Variants in DELE1 observed in about 807,000 individuals in gnomAD.
DELE1 encodes death ligand signal enhancer.
In DELE1, 54 loss-of-function variants were observed where a neutral mutation model predicts 59.3. The ratio of observed to expected loss-of-function variants is 0.91; its 90% CI spans 0.73 to 1.14. The LOEUF (loss-of-function observed/expected upper bound fraction) is 1.14. Ranked by LOEUF, DELE1 falls within the 50% of genes most tolerant of loss-of-function variation. The pLI is 0.00. For synonymous variants in DELE1, 264 were observed against 259.1 expected (o/e 1.02, Z -0.18); for missense variants, 636 against 643.9 (o/e 0.99, Z 0.13).
intron 10 of DELE1, chr5:141,934,967 A>G: frequency 4.5e-6 from 1 of 220,054 alleles, no homozygotes. Context: ...TTAAAATCAG[A>G]ATAATAATGC....
At chr5:141,924,882 G>A (rs1279394610) in intron 2 of DELE1, among the ~76,000 whole-genome samples, 187 bp downstream of exon 2, 2 of 150,088 alleles carry the variant, frequency 1.3e-5, no homozygotes. Flanking sequence ...AGCCTCCCGA[G>A]TAGCTGGGAT....
Position 141,940,574 on chromosome 5 carries a change from C to T in DELE1, c.*1815C>T, listed in dbSNP as rs1752680358. The T allele has an allele frequency of 1.0e-6, 1 of 985,592 alleles. No homozygotes were observed. Among genetic ancestry groups the T allele is most frequent in the Non-Finnish European group, 1.2e-6 (1 of 829,990 alleles). The allele number at this position is 985,592 out of a possible 1,614,324, so 61.1% of individuals were successfully genotyped here. A position where few individuals can be genotyped will look rare whatever the true frequency, so the allele number is the denominator to read the frequency against. ...CCATCTCTCTCAACTTCTTAGTGGT[C>T]CTGCCATACTTTCCTAGCACCTCTC... On this transcript the variant is annotated 3_prime_UTR_variant, in exon 12 of 12. Coordinates refer to ENST00000432126, the MANE Select transcript of DELE1 (RefSeq NM_014773.5).
rs1212558871 is a variant in DELE1, at chr5:141,934,319, AC to A, written c.980del (p.Pro327GlnfsTer16). ...QYRYARCLLR[D>X]PASSWNPERQ... Reference sequence around the variant, plus strand: ...CGCTATGCCAGGTGCCTACTACGAGACCCAGCCTCTTCGTGGAACCCTGAGC... The same window carrying A: ...CGCTATGCCAGGTGCCTACTACGAGACCAGCCTCTTCGTGGAACCCTGAGC... On this transcript the variant is annotated frameshift_variant, in exon 9 of 12. Coordinates refer to ENST00000432126, the MANE Select transcript of DELE1 (RefSeq NM_014773.5). LOFTEE classifies it high-confidence loss of function. 1 of 1,614,140 alleles carries A rather than the reference AC, an allele frequency of 6.2e-7. No homozygotes were observed. The highest frequency in any genetic ancestry group is 1.1e-5 in the South Asian group (1 of 91,084).
rs199751915 is a variant in DELE1 at position 141,923,927 on chromosome 5, G to A, written c.-15G>A. On this transcript the variant is annotated 5_prime_UTR_variant, in exon 1 of 12. Coordinates refer to ENST00000432126, the MANE Select transcript of DELE1 (RefSeq NM_014773.5). ...GCGCTTTCGGCTGCGAGCTCTCTGT[G>A]GTGCTGGCAGCGACATGTGGCGCCT... 1.7e-5 allele frequency: 28 copies of A among 1,603,612 alleles called. No individual in the cohort carries two copies. Among genetic ancestry groups the A allele is most frequent in the Non-Finnish European group, 2.4e-5 (28 of 1,175,578 alleles).
intron 2 of DELE1, 63 bp from the exon 3 acceptor site, chr5:141,925,347 C>T: frequency 1.8e-6 from 2 of 1,134,768 alleles, no homozygotes; most frequent in Non-Finnish European, 2.5e-6. Context: ...AGGTGTGAGC[C>T]ACCGCACCCA....
intron 3 of DELE1, among the ~76,000 whole-genome samples, chr5:141,926,087 C>T (rs1751394445): frequency 6.6e-6 from 1 of 152,048 alleles, no homozygotes; most frequent in Non-Finnish European, 1.5e-5. Context: ...ACCATTTTGG[C>T]CAGGATGGTC....
At chr5:141,933,913 C>T in intron 8 of DELE1, 1 of 185,866 alleles carries the variant, frequency 5.4e-6, no homozygotes, top group African/African-American at 2.4e-5. Context: ...CTCTCTCTCT[C>T]TGCCCCCCCC....
chr5:141,928,531 G>T (rs908383328), intron 4 of DELE1, among the ~76,000 whole-genome samples: 1 of 152,220 alleles, frequency 6.6e-6, no homozygotes, highest in Non-Finnish European at 1.5e-5. Flanking sequence ...GGCCCACAGG[G>T]TCCAGACTAC....
chr5:141,938,597 G>A lies in DELE1; in HGVS notation c.1386G>A (p.Leu462=), dbSNP rs61739701. The change falls in exon 12 of 12, where the codon CTG becomes CTA. Residue 462 remains leucine, a synonymous_variant. Coordinates refer to ENST00000432126, the MANE Select transcript of DELE1 (RefSeq NM_014773.5). ...SSPSLCSLNT[L]LAGTSRLPHA... ...CCTCCCTCTGCAGCTTGAACACCCT[G>A]CTAGCAGGAACCTCACGCCTACCAC... 13,848 of 1,613,984 alleles carry A rather than the reference G, an allele frequency of 8.6e-3. 1,023 individuals carry two copies. The African/African-American group carries it at 0.16, about 19-fold the overall frequency.
rs540514144 is a variant in DELE1, at chr5:141,937,088, G to C, written c.1150-110G>C. 18 of 1,556,998 alleles carry C rather than the reference G, an allele frequency of 1.2e-5. No individual in the cohort carries two copies. In the South Asian group the frequency reaches 2.0e-4, roughly 17 times the overall value. On this transcript the variant is annotated intron_variant, in intron 10 of 11. Coordinates refer to ENST00000432126, the MANE Select transcript of DELE1 (RefSeq NM_014773.5). ...GGCGGGCCAGGACTGGGCCTTGACC[G>C]TGTGTGGATGAAGTCCCAGCATGCC...
chr5:141,941,615 A>T lies in DELE1; in HGVS notation c.*2856A>T. 52 of 985,460 alleles carry T rather than the reference A, an allele frequency of 5.3e-5. 1 individual carries two copies. Among genetic ancestry groups the T allele is most frequent in the Non-Finnish European group, 6.3e-5 (52 of 829,974 alleles). 61.0% of individuals were successfully genotyped at this position (985,460 alleles called of 1,614,324 possible). On this transcript the variant is annotated 3_prime_UTR_variant, in exon 12 of 12. Transcript: ENST00000432126. ...ATCAGCAGGGCCAGCCTGGGTCAGGATGCTGGGTTAAAGCCCGGCGCCCTC... is the reference window on the plus strand; with the variant it reads ...ATCAGCAGGGCCAGCCTGGGTCAGGTTGCTGGGTTAAAGCCCGGCGCCCTC...
At chr5:141,932,705 A>G (rs1048268349) in intron 7 of DELE1, among the ~76,000 whole-genome samples, 9 of 152,214 alleles carry the variant, frequency 5.9e-5, no homozygotes, top group African/African-American at 2.2e-4. Flanking sequence ...CCAATGGGAA[A>G]TCTAGATGCT....
intron 7 of DELE1, among the ~76,000 whole-genome samples, chr5:141,931,873 A>G (rs1420936638): frequency 6.6e-6 from 1 of 152,178 alleles, no homozygotes; most frequent in Non-Finnish European, 1.5e-5. Context: ...CCATCCCTTC[A>G]TTCATATATT....
intron 10 of DELE1, among the ~76,000 whole-genome samples, chr5:141,935,997 T>G (rs1035684772): frequency 1.3e-5 from 2 of 152,188 alleles, no homozygotes; most frequent in African/African-American, 4.8e-5. Flanking sequence ...CTGTGTGTTA[T>G]AGAAGCAGGG....
At position 141,929,664 on chromosome 5, in the gene DELE1, A is replaced by G; in HGVS notation, c.495A>G (p.Glu165=). The G allele has an allele frequency of 6.2e-7, 1 of 1,614,234 alleles. No homozygotes were observed. The highest frequency in any genetic ancestry group is 8.5e-7 in the Non-Finnish European group (1 of 1,180,042). The change falls in exon 5 of 12, where the codon GAA becomes GAG. Residue 165 remains glutamate (E), a synonymous_variant. Coordinates refer to ENST00000432126, the MANE Select transcript of DELE1 (RefSeq NM_014773.5). ...TGLREPRLGQ[E]EASAQPRNFS... The stretch of plus-strand genomic sequence containing the variant: ...TCAGGGAACCCAGGCTTGGCCAGGA[A>G]GAAGCCTCAGCTCAGCCCCGGAACT...
In DELE1 at chr5:141,938,675, A is replaced by G; in HGVS notation, c.1464A>G (p.Gly488=). ...TCCTCTGCAGAAGTGGGCATCTCGGAGCCAGCCTGGAAGCCTCCAGCAGGG... is the reference window on the plus strand; with the variant it reads ...TCCTCTGCAGAAGTGGGCATCTCGGGGCCAGCCTGGAAGCCTCCAGCAGGG... ...LGLLCRSGHL[G]ASLEASSRAI... Residue 488 remains glycine (G), a synonymous_variant, in exon 12 of 12, where the codon GGA becomes GGG. Coordinates refer to ENST00000432126, the MANE Select transcript of DELE1 (RefSeq NM_014773.5). 6.2e-7 allele frequency: 1 copy of G among 1,614,092 alleles called. No homozygotes were observed. The highest frequency in any genetic ancestry group is 1.1e-5 in the South Asian group (1 of 91,072).
chr5:141,929,558 A>T (rs777238262), intron 4 of DELE1, 24 bp from the exon 5 acceptor site: 1 of 1,610,806 alleles, frequency 6.2e-7, no homozygotes, highest in Non-Finnish European at 8.5e-7. Context: ...CCCAGACCTG[A>T]CTACTCTTGC....
At chr5:141,934,019 G>T in intron 8 of DELE1, 1 of 395,244 alleles carries the variant, frequency 2.5e-6, no homozygotes, top group Non-Finnish European at 4.5e-6. Flanking sequence ...AAGGCTGTAC[G>T]CTAAAATTTT....
At position 141,928,163 on chromosome 5, in the gene DELE1, G is replaced by T. The variant is rs769560236; in HGVS notation, c.277G>T (p.Val93Leu). 7 of 1,613,764 alleles carry T rather than the reference G, an allele frequency of 4.3e-6. No individual in the cohort carries two copies. The highest frequency in any genetic ancestry group is 3.3e-5 in the South Asian group (3 of 91,052). ...WDAISWGTLA[V>L]LALQLARQIH... ...CTGTCTTTCCCAGGGCACTCTGGCC[G>T]TGCTGGCCCTGCAGCTGGCAAGGCA... Residue 93 changes from valine (V) to leucine (L), a missense_variant, in exon 4 of 12, where the codon GTG (valine) becomes TTG (leucine). By Grantham distance (32) the Val-to-Leu change is conservative. Transcript: ENST00000432126.
Sources: gnomAD v4.1 joint callset for allele counts (sites outside exome capture counted in the v4.1 genomes callset) on GRCh38, gnomAD v4.1.1 for gene constraint, MANE v1.5 for transcripts, NCBI Gene and HGNC (gene_info 2026-07-23, HGNC 2026-07-21) for gene names.